Variants in MINDY4 observed in about 807,000 individuals in gnomAD.
The protein encoded by MINDY4 is probable ubiquitin carboxyl-terminal hydrolase MINDY-4.
A neutral mutation model predicts 87.0 loss-of-function variants in MINDY4; 68 were observed. That is an observed-to-expected ratio of 0.78 (90% CI 0.64 to 0.96). MINDY4 has a LOEUF of 0.96. MINDY4 is among the 40% of genes least tolerant of loss of function. The probability of loss-of-function intolerance (pLI) is 0.00; values close to 1 mark genes in which losing one functional copy is unlikely to be tolerated. For missense variants in MINDY4, 919 were observed against 928.2 expected, an observed-to-expected ratio of 0.99 and a Z score of 0.13; for synonymous variants, 379 against 363.2, an observed-to-expected ratio of 1.04 and a Z score of -0.50.
intron 7 of MINDY4, among the ~76,000 whole-genome samples, chr7:30,837,505 C>A (rs1357704609): frequency 6.6e-6 from 1 of 152,134 alleles, no homozygotes; most frequent in African/African-American, 2.4e-5. Flanking sequence ...GAGGTTTTGT[C>A]CTTTCGTTTC....
At position 30,822,413 on chromosome 7, in the gene MINDY4, C is replaced by T. The variant is rs151025863; in HGVS notation, c.1074-6266C>T. ...CTCAAACTCCTGGGCTCAAGTGATC[C>T]TCCTGCCTCAGCCTCCTAAAGTGTT... On this transcript the variant is annotated intron_variant, in intron 5 of 17. Transcript: ENST00000265299. 7.8e-3 allele frequency among the ~76,000 whole-genome samples: 1,189 copies of T among 152,214 alleles called. 14 individuals are homozygous for T. The highest frequency in any genetic ancestry group is 0.027 in the African/African-American group (1,136 of 41,540).
chr7:30,771,620 C>G, intron 1 of MINDY4, 64 bp downstream of exon 1: 1 of 1,511,942 alleles, frequency 6.6e-7, no homozygotes. Flanking sequence ...ATCGGGGTCT[C>G]CCCTGAAGGC....
At chr7:30,786,436 G>A (rs1484784575) in intron 4 of MINDY4, 2 of 162,662 alleles carry the variant, frequency 1.2e-5, no homozygotes, top group African/African-American at 4.8e-5. Flanking sequence ...AACATAAGGA[G>A]ACACTTGTCC....
chr7:30,888,166 G>A (rs1790691150), intron 17 of MINDY4, among the ~76,000 whole-genome samples: 1 of 152,180 alleles, frequency 6.6e-6, no homozygotes, highest in Non-Finnish European at 1.5e-5. Context: ...TTGCAGTGAT[G>A]CCTCTGGGGG....
In MINDY4 at chr7:30,886,672, G is replaced by A. The variant is rs76364092; in HGVS notation, c.2225+3679G>A. On this transcript the variant is annotated intron_variant, in intron 17 of 17. Coordinates refer to ENST00000265299, the MANE Select transcript of MINDY4 (RefSeq NM_032222.3). Reference sequence around the variant, plus strand: ...TCCCACCACCTGGCTTTGTTGCCTCGGTGACATTGCACAAGCCCAGACTGC... The same window carrying A: ...TCCCACCACCTGGCTTTGTTGCCTCAGTGACATTGCACAAGCCCAGACTGC... Among the ~76,000 whole-genome samples, 254 of 152,312 alleles carry A rather than the reference G, an allele frequency of 1.7e-3. 6 individuals are homozygous for A. In the East Asian group the frequency reaches 0.046, roughly 28 times the overall value.
chr7:30,792,947 C>CT (rs1787368017), intron 5 of MINDY4, among the ~76,000 whole-genome samples: 1 of 151,440 alleles, frequency 6.6e-6, no homozygotes, highest in South Asian at 2.1e-4. Context: ...TGTTTTAAAG[C>CT]TGCAAATTTC....
chr7:30,837,091 A>T (rs1174519224), intron 7 of MINDY4, among the ~76,000 whole-genome samples: 1 of 152,180 alleles, frequency 6.6e-6, no homozygotes, highest in African/African-American at 2.4e-5. Flanking sequence ...TGTCCCCATT[A>T]GAGCAGCGCT....
intron 3 of MINDY4, among the ~76,000 whole-genome samples, chr7:30,784,816 A>G (rs1787110002): frequency 6.6e-6 from 1 of 152,060 alleles, no homozygotes; most frequent in African/African-American, 2.4e-5. Flanking sequence ...TCTGCCTGAC[A>G]TGCCACAATC....
chr7:30,878,091 A>G (rs995470336), intron 15 of MINDY4, among the ~76,000 whole-genome samples: 3 of 151,714 alleles, frequency 2.0e-5, no homozygotes, highest in Non-Finnish European at 4.4e-5. Context: ...CCAGCACCCA[A>G]GCCTGGACCT....
intron 17 of MINDY4, among the ~76,000 whole-genome samples, chr7:30,888,187 T>G (rs1790692062): frequency 6.6e-6 from 1 of 152,110 alleles, no homozygotes; most frequent in East Asian, 1.9e-4. Flanking sequence ...GACAGGGCCT[T>G]ATTTTCCACC....
intron 12 of MINDY4, 162 bp from the exon 13 acceptor site, chr7:30,859,095 T>C (rs1001334352): frequency 1.4e-6 from 1 of 727,376 alleles, no homozygotes; most frequent in East Asian, 2.7e-5. Context: ...TGTCCCATCC[T>C]TTAGGAGGTC....
rs1477966218 is a variant in MINDY4 at position 30,882,992 on chromosome 7, A to C, written c.2224A>C (p.Lys742Gln). ...ACCCCTCGAGCTCTGCATCAGAACC[A>C]AGTGAGTCAAGCCCCTCTCTGGCTT... ...VPPLELCIRT[K>Q]WKGASVNWNG... The change falls in exon 17 of 18, where the codon AAG (lysine) becomes CAG (glutamine). Residue 742 changes from lysine to glutamine, a missense_variant and splice_region_variant. Physicochemically the swap from Lys to Gln is moderately conservative, Grantham distance 53 (BLOSUM62 1). Coordinates refer to ENST00000265299, the MANE Select transcript of MINDY4 (RefSeq NM_032222.3). 2 of 1,613,906 alleles carry C rather than the reference A, an allele frequency of 1.2e-6. No individual in the cohort carries two copies. Among genetic ancestry groups the C allele is most frequent in the Admixed American group, 3.3e-5 (2 of 60,002 alleles).
chr7:30,776,384 C>G (rs545975481), intron 1 of MINDY4, among the ~76,000 whole-genome samples: 1 of 152,226 alleles, frequency 6.6e-6, no homozygotes, highest in Non-Finnish European at 1.5e-5. Context: ...GTGGCCTGCT[C>G]TTTTGATTCC....
chr7:30,828,587 T>C, intron 5 of MINDY4, 92 bp from the exon 6 acceptor site: 2 of 1,298,638 alleles, frequency 1.5e-6, no homozygotes, highest in Non-Finnish European at 2.2e-6. Context: ...ACTTGTCTCC[T>C]GAATGCCTAT....
At chr7:30,873,726 A>T (rs1243071469) in intron 14 of MINDY4, among the ~76,000 whole-genome samples, 1 of 152,190 alleles carries the variant, frequency 6.6e-6, no homozygotes, top group African/African-American at 2.4e-5. Context: ...GCTTCCTGCT[A>T]TGAGGAAGAT....
intron 6 of MINDY4, among the ~76,000 whole-genome samples, chr7:30,834,525 T>C (rs1788802710): frequency 6.6e-6 from 1 of 152,236 alleles, no homozygotes; most frequent in African/African-American, 2.4e-5. Flanking sequence ...CATGAAGACC[T>C]CTGACATGCC....
chr7:30,853,575 G>A lies in MINDY4; in HGVS notation c.1677+116G>A, dbSNP rs1789484062. Reference sequence around the variant, plus strand: ...CTGTCGTCCCACCCTGGGATGGCGAGGAAGCTGGGAAGGAGTAATGCTGGC... The same window carrying A: ...CTGTCGTCCCACCCTGGGATGGCGAAGAAGCTGGGAAGGAGTAATGCTGGC... On this transcript the variant is annotated intron_variant, in intron 12 of 17. Transcript: ENST00000265299. 5.5e-6 allele frequency: 5 copies of A among 906,986 alleles called. No individual in the cohort carries two copies. In the East Asian group the frequency reaches 1.3e-4, roughly 24 times the overall value. 56.2% of individuals were successfully genotyped at this position (906,986 alleles called of 1,614,324 possible).
At chr7:30,860,412 A>C (rs1789716383) in intron 13 of MINDY4, among the ~76,000 whole-genome samples, 4 of 152,054 alleles carry the variant, frequency 2.6e-5, no homozygotes, top group Admixed American at 1.3e-4. Flanking sequence ...TCCAACTTCT[A>C]ATCCTGCCAT....
rs757871168 is a variant in MINDY4 at position 30,892,054 on chromosome 7, C to T, written c.*49C>T. 6.3e-7 allele frequency: 1 copy of T among 1,597,974 alleles called. No homozygotes were observed. Among genetic ancestry groups the T allele is most frequent in the Non-Finnish European group, 8.6e-7 (1 of 1,165,348 alleles). ...TGGTCCACCACTCATCACCTCATCA[C>T]CGAGGATGACAGCTGAACCCCAAGC... On this transcript the variant is annotated 3_prime_UTR_variant, in exon 18 of 18. Transcript: ENST00000265299.
Sources: gnomAD v4.1 joint callset for allele counts (sites outside exome capture counted in the v4.1 genomes callset) on GRCh38, gnomAD v4.1.1 for gene constraint, MANE v1.5 for transcripts, NCBI Gene and HGNC (gene_info 2026-07-23, HGNC 2026-07-21) for gene names.